RNF138: variants seen among roughly 807,000 people sequenced by gnomAD.
The protein encoded by RNF138 is E3 ubiquitin-protein ligase RNF138.
Under a neutral mutation model 31.0 loss-of-function variants are expected in RNF138, and 12 were observed. The ratio of observed to expected loss-of-function variants is 0.39; its 90% confidence interval spans 0.25 to 0.63. The LOEUF is 0.63. RNF138 is among the 20% of genes least tolerant of loss of function. RNF138 has a pLI of 0.52. For synonymous variants in RNF138, 105 were observed against 99.5 expected, an observed-to-expected ratio of 1.06 and a Z score of -0.33; for missense variants, 192 against 300.1, an observed-to-expected ratio of 0.64 and a Z score of 2.66.
chr18:32,127,690 T>A (rs16962721), intron 7 of RNF138, among the ~76,000 whole-genome samples: 1 of 152,214 alleles, frequency 6.6e-6, no homozygotes, highest in Non-Finnish European at 1.5e-5. Flanking sequence ...TAAATTCTCA[T>A]TGTAAGAAAG....
rs1410609964 is a variant in RNF138, at chr18:32,130,128, T to C, written c.*941T>C. 1 of 152,452 alleles carries C rather than the reference T, an allele frequency of 6.6e-6. No homozygotes were observed. The highest frequency in any genetic ancestry group is 1.5e-5 in the Non-Finnish European group (1 of 67,898). The allele number at this position is 152,452 out of a possible 1,614,324, so 9.4% of individuals were successfully genotyped here. A position where few individuals can be genotyped will look rare whatever the true frequency, so the allele number is the denominator to read the frequency against. Reference sequence around the variant, plus strand: ...TATACACATATGTGTGTATGCAGTTTGTCAGGTTATATATAGAATTTCTAT... The same window carrying C: ...TATACACATATGTGTGTATGCAGTTCGTCAGGTTATATATAGAATTTCTAT... On this transcript the variant is annotated 3_prime_UTR_variant, in exon 8 of 8. Coordinates refer to ENST00000261593, the MANE Select transcript of RNF138 (RefSeq NM_016271.5).
intron 2 of RNF138, among the ~76,000 whole-genome samples, chr18:32,101,573 T>C (rs542558171): frequency 6.6e-6 from 1 of 152,162 alleles, no homozygotes; most frequent in South Asian, 2.1e-4. Flanking sequence ...AAATTTATTT[T>C]TTTTTAAGAA....
chr18:32,123,296 A>G (rs976113428), intron 4 of RNF138, among the ~76,000 whole-genome samples: 1 of 152,182 alleles, frequency 6.6e-6, no homozygotes, highest in East Asian at 1.9e-4. Flanking sequence ...GTAAGCAGTC[A>G]ATTTATTTAA....
In RNF138 at chr18:32,117,068, A is replaced by T. The variant is rs550653194; in HGVS notation, c.392+3208A>T. On this transcript the variant is annotated intron_variant, in intron 4 of 7. Coordinates refer to ENST00000261593, the MANE Select transcript of RNF138 (RefSeq NM_016271.5). ...AGGTGCCCACCACCACGCCCAACTA[A>T]TTTTTGTATTTTTTGTAGAGATGGG... is the stretch of plus-strand genomic sequence containing the variant. Among the ~76,000 whole-genome samples the T allele has an allele frequency of 2.7e-5, 4 of 150,118 alleles. No individual in the cohort carries two copies. In the South Asian group the frequency reaches 8.4e-4, roughly 32 times the overall value.
intron 2 of RNF138, among the ~76,000 whole-genome samples, chr18:32,106,027 C>T (rs1400055349): frequency 2.6e-5 from 4 of 152,300 alleles, no homozygotes; most frequent in Non-Finnish European, 4.4e-5. Flanking sequence ...TCTTGGAATA[C>T]CTATTGCATG....
intron 2 of RNF138, 109 bp from the exon 3 acceptor site, chr18:32,111,643 GCC>G (rs2040133060): frequency 2.3e-6 from 2 of 874,722 alleles, no homozygotes; most frequent in Non-Finnish European, 1.8e-6. Context: ...CATATGAGTA[GCC>G]TAACTTATTT....
Position 32,126,808 on chromosome 18 carries a change from A to C in RNF138, c.669+8A>C, listed in dbSNP as rs200657573. 1.9e-5 allele frequency: 27 copies of C among 1,450,878 alleles called. No homozygotes were observed. The East Asian group carries it at 5.9e-4, about 32-fold the overall frequency. 89.9% of individuals were successfully genotyped at this position (1,450,878 alleles called of 1,614,324 possible). ...GATTATGGAGAATTTGTGGTAAGTG[A>C]ATTCTTCAAGATTAAGAAAGTACTG... On this transcript the variant is annotated splice_region_variant and intron_variant, in intron 7 of 7. Transcript: ENST00000261593.
chr18:32,123,624 C>G, intron 5 of RNF138, 50 bp downstream of exon 5: 2 of 1,098,066 alleles, frequency 1.8e-6, no homozygotes, highest in Non-Finnish European at 2.6e-6. Flanking sequence ...TTATATTTAT[C>G]ACTTATCAAA....
At chr18:32,105,266 ATTTTTAGTAGAGACAGGTTTCACCATG>A (rs2040010393) in intron 2 of RNF138, among the ~76,000 whole-genome samples, 1 of 152,010 alleles carries the variant, frequency 6.6e-6, no homozygotes, top group South Asian at 2.1e-4. Context: ...TAATTTTTGT[ATTTTTAGTAGAGACAGGTTTCACCATG>A]TTGGCCAGGC....
intron 3 of RNF138, among the ~76,000 whole-genome samples, chr18:32,112,396 T>C (rs2144242733): frequency 6.6e-6 from 1 of 152,148 alleles, no homozygotes; most frequent in East Asian, 1.9e-4. Context: ...ATTTAAGAAA[T>C]CACAAGGGCC....
At chr18:32,093,436 C>T (rs1055780933) in intron 2 of RNF138, among the ~76,000 whole-genome samples, 2 of 152,176 alleles carry the variant, frequency 1.3e-5, no homozygotes, top group African/African-American at 4.8e-5. Context: ...CCCCTCAACC[C>T]TGCTTCACAG....
chr18:32,120,188 C>T (rs979152191), intron 4 of RNF138, among the ~76,000 whole-genome samples: 7 of 151,906 alleles, frequency 4.6e-5, no homozygotes, highest in African/African-American at 7.3e-5. Flanking sequence ...AGTTTTTTAG[C>T]GTAGATCTTT....
At chr18:32,107,600 A>G (rs1206574763) in intron 2 of RNF138, among the ~76,000 whole-genome samples, 2 of 151,982 alleles carry the variant, frequency 1.3e-5, no homozygotes, top group African/African-American at 2.4e-5. Context: ...GGCTCACTGC[A>G]ACCTCTGCCT....
intron 2 of RNF138, among the ~76,000 whole-genome samples, chr18:32,100,468 CTT>C (rs754111567): frequency 7.2e-5 from 5 of 69,886 alleles, no homozygotes; most frequent in Non-Finnish European, 1.0e-4. Flanking sequence ...ACCCAACTAA[CTT>C]TTTTTTTTTT....
At chr18:32,092,402 G>A (rs1000292205) in intron 1 of RNF138, among the ~76,000 whole-genome samples, 167 bp downstream of exon 1, 1 of 152,048 alleles carries the variant, frequency 6.6e-6, no homozygotes, top group Non-Finnish European at 1.5e-5. Flanking sequence ...CTGAGGGCGG[G>A]GCGCGAGCCC....
At chr18:32,106,129 T>G (rs1568229807) in intron 2 of RNF138, among the ~76,000 whole-genome samples, 1 of 152,166 alleles carries the variant, frequency 6.6e-6, no homozygotes, top group Non-Finnish European at 1.5e-5. Context: ...AATTTTAGGG[T>G]GAAGTGTTTA....
In RNF138 at chr18:32,093,340, G is replaced by T. The variant is rs936392152; in HGVS notation, c.110+454G>T. On this transcript the variant is annotated intron_variant, in intron 2 of 7. Transcript: ENST00000261593. ...CGGCCGGCGGTGCTCGCGCGGGCCC[G>T]CTCGCCCCGCGACCTGCCCTGCTTT... Among the ~76,000 whole-genome samples, 3 of 152,110 alleles carry T rather than the reference G, an allele frequency of 2.0e-5. No homozygotes were observed. In the East Asian group the frequency reaches 5.8e-4, roughly 29 times the overall value.
chr18:32,121,896 T>G (rs2040311735), intron 4 of RNF138, among the ~76,000 whole-genome samples: 2 of 152,166 alleles, frequency 1.3e-5, no homozygotes, highest in South Asian at 4.1e-4. Flanking sequence ...CAGACTGAGT[T>G]TCGCTCTTGT....
chr18:32,110,207 G>A (rs990296215), intron 2 of RNF138, among the ~76,000 whole-genome samples: 2 of 152,082 alleles, frequency 1.3e-5, no homozygotes, highest in African/African-American at 4.8e-5. Context: ...TGCCCAGGCT[G>A]GTCTTCAACT....
Sources: allele counts gnomAD v4.1 joint callset (sites outside exome capture counted in the v4.1 genomes callset), GRCh38; gene constraint gnomAD v4.1.1; transcripts MANE v1.5; gene names NCBI Gene and HGNC (gene_info 2026-07-23, HGNC 2026-07-21).